DDB1: variants seen among roughly 807,000 people sequenced by gnomAD.
DDB1 encodes the protein damage specific DNA binding protein 1, also known as DNA damage-binding protein 1.
In DDB1, 18 loss-of-function variants were observed where a neutral mutation model predicts 133.1. That is an observed-to-expected ratio of 0.14 (90% CI 0.09 to 0.20). DDB1 has a LOEUF of 0.20. Ranked by LOEUF, DDB1 falls within the 10% of genes least tolerant of loss-of-function variation. The pLI is 1.00. For synonymous variants in DDB1, 580 were observed against 550.5 expected (o/e 1.05, Z -0.75); for missense variants, 828 against 1,459.2 (o/e 0.57, Z 7.05).
chr11:61,322,141 C>T (rs553550976), intron 9 of DDB1, 155 bp downstream of exon 9: 2 of 682,106 alleles, frequency 2.9e-6, no homozygotes, highest in African/African-American at 1.8e-5. Flanking sequence ...AAGATAGGCA[C>T]TCAATAAACA....
chr11:61,331,860 GTCTCAGT>G (rs760829197), intron 1 of DDB1, 169 bp from the exon 2 acceptor site: 36 of 844,724 alleles, frequency 4.3e-5, no homozygotes, highest in Non-Finnish European at 6.1e-5. Flanking sequence ...ACCTCAAAGA[GTCTCAGT>G]TCATGCATTC....
At chr11:61,320,941 TG>T (rs1856167963) in intron 10 of DDB1, among the ~76,000 whole-genome samples, 1 of 152,002 alleles carries the variant, frequency 6.6e-6, no homozygotes, top group South Asian at 2.1e-4. Context: ...TAGAGTGCAG[TG>T]GCACAATCAT....
At chr11:61,302,517 C>G in intron 24 of DDB1, 65 bp downstream of exon 24, 1 of 1,603,738 alleles carries the variant, frequency 6.2e-7, no homozygotes, top group Non-Finnish European at 8.5e-7. Context: ...TCTCCCCAGT[C>G]CCTCAGAATG....
At chr11:61,317,323 C>T (rs1281720633) in intron 10 of DDB1, among the ~76,000 whole-genome samples, 3 of 151,724 alleles carry the variant, frequency 2.0e-5, no homozygotes, top group African/African-American at 4.8e-5. Flanking sequence ...CCATGTTAGC[C>T]AGGATGGTCT....
rs1232469010 is a variant in DDB1 at position 61,331,675 on chromosome 11, G to A, written c.78C>T (p.Ala26=). Residue 26 remains alanine, a synonymous_variant, in exon 2 of 27, where the codon GCC becomes GCT. Transcript: ENST00000301764. ...TGGCAATCAACAGGTTTAAGTCTTC[G>A]GCCGAAGTAAAGTGTCCTGAAAGAA... The part of the protein sequence containing the change: ...NGCVTGHFTS[A]EDLNLLIAKN... 3.0e-5 allele frequency: 49 copies of A among 1,613,824 alleles called. No individual in the cohort carries two copies. The highest frequency in any genetic ancestry group is 3.6e-5 in the Non-Finnish European group (42 of 1,179,996).
At chr11:61,318,037 AG>A (rs1856120115) in intron 10 of DDB1, among the ~76,000 whole-genome samples, 1 of 152,184 alleles carries the variant, frequency 6.6e-6, no homozygotes, top group African/African-American at 2.4e-5. Context: ...TGCAACACTA[AG>A]CTTAATTTTT....
rs1382441895 is a variant in DDB1 at position 61,311,771 on chromosome 11, C to T, written c.2277+13G>A. 1 of 1,606,240 alleles carries T rather than the reference C, an allele frequency of 6.2e-7. No homozygotes were observed. Among genetic ancestry groups the T allele is most frequent in the South Asian group, 1.1e-5 (1 of 90,382 alleles). ...CTGCTCTAAGGTCATCTTTCTTTGT[C>T]CACTGCCCTTACCTGGGTGCTAGCG... is the stretch of plus-strand genomic sequence containing the variant. On this transcript the variant is annotated intron_variant, in intron 18 of 26. Coordinates refer to ENST00000301764, the MANE Select transcript of DDB1 (RefSeq NM_001923.5).
chr11:61,317,483 C>G (rs967508704), intron 10 of DDB1, among the ~76,000 whole-genome samples: 1 of 152,012 alleles, frequency 6.6e-6, no homozygotes, highest in African/African-American at 2.4e-5. Flanking sequence ...TTCCATGACC[C>G]AAAGTCTAAA....
Position 61,300,856 on chromosome 11 carries a change from G to A in DDB1, c.3292C>T (p.Leu1098=). The change falls in exon 26 of 27, where the codon CTG becomes TTG. Residue 1098 remains leucine (L), a synonymous_variant. Transcript: ENST00000301764. ...TGCATCTTGGGGCGGCTAATATCCA[G>A]GAAACTCTCAATCAAGTCACCGTCG... ...FIDGDLIESF[L]DISRPKMQEV... The A allele has an allele frequency of 1.2e-6, 2 of 1,614,152 alleles. No individual in the cohort carries two copies. Among genetic ancestry groups the A allele is most frequent in the Non-Finnish European group, 1.7e-6 (2 of 1,180,038 alleles).
At chr11:61,321,797 C>G in intron 9 of DDB1, 100 bp from the exon 10 acceptor site, 2 of 1,048,416 alleles carry the variant, frequency 1.9e-6, no homozygotes, top group South Asian at 2.6e-5. Context: ...ATCCAAGAAC[C>G]TTTATTGTGG....
At chr11:61,312,612 T>C (rs1285194044) in intron 16 of DDB1, among the ~76,000 whole-genome samples, 1 of 151,660 alleles carries the variant, frequency 6.6e-6, no homozygotes, top group Non-Finnish European at 1.5e-5. Flanking sequence ...CAGTTTCTTT[T>C]TTTTTAAGAC....
rs745621408 is a variant in DDB1 at position 61,300,245 on chromosome 11, G to C, written c.3340-26C>G. ...CTGCAATGAGAAGATGGGCGGGGCT[G>C]TGAGGACCAAGAGGGTGCTCTCCCA... On this transcript the variant is annotated intron_variant, in intron 26 of 26. Coordinates refer to ENST00000301764, the MANE Select transcript of DDB1 (RefSeq NM_001923.5). The C allele has an allele frequency of 1.9e-6, 3 of 1,610,856 alleles. No homozygotes were observed. The Admixed American group carries it at 5.0e-5, about 27-fold the overall frequency.
chr11:61,307,902 G>GT (rs1855902748), intron 21 of DDB1, among the ~76,000 whole-genome samples: 1 of 152,016 alleles, frequency 6.6e-6, no homozygotes, highest in South Asian at 2.1e-4. Context: ...TAAGCAGAAT[G>GT]TGACTACTCT....
chr11:61,316,463 C>G (rs369274116), intron 11 of DDB1, 29 bp downstream of exon 11: 18 of 1,613,832 alleles, frequency 1.1e-5, no homozygotes, highest in Non-Finnish European at 1.5e-5. Context: ...CTCACCAGCA[C>G]CTACAGCTGG....
In DDB1 at chr11:61,310,289, G is replaced by A. The variant is rs1855943399; in HGVS notation, c.2401+6C>T. On this transcript the variant is annotated splice_donor_region_variant and intron_variant, in intron 19 of 26. Coordinates refer to ENST00000301764, the MANE Select transcript of DDB1 (RefSeq NM_001923.5). Reference sequence around the variant, plus strand: ...GATAAAAATTATCGAAAGAGCTCATGTGCACCTTCAAAGGTGTGTTGGTCA... The same window carrying A: ...GATAAAAATTATCGAAAGAGCTCATATGCACCTTCAAAGGTGTGTTGGTCA... The A allele has an allele frequency of 1.2e-6, 2 of 1,607,220 alleles. No individual in the cohort carries two copies. The highest frequency in any genetic ancestry group is 3.4e-5 in the Admixed American group (2 of 59,092).
chr11:61,323,416 TTTTC>T, intron 7 of DDB1: 1 of 297,838 alleles, frequency 3.4e-6, no homozygotes, highest in Admixed American at 4.5e-5. Context: ...AATCTTTTTT[TTTTC>T]TTTTTTTGAG....
At position 61,323,161 on chromosome 11, in the gene DDB1, C is replaced by T. The variant is rs1390630969; in HGVS notation, c.922-67G>A. On this transcript the variant is annotated intron_variant, in intron 7 of 26. Transcript: ENST00000301764. ...CTACGTGGGATCCAGATACTACCCACATCTCAGACATCTGCTGAGAAAACT... is the reference window on the plus strand; with the variant it reads ...CTACGTGGGATCCAGATACTACCCATATCTCAGACATCTGCTGAGAAAACT... 6.4e-6 allele frequency: 8 copies of T among 1,241,734 alleles called. No individual in the cohort carries two copies. In the African/African-American group the frequency reaches 1.2e-4, roughly 18 times the overall value. 76.9% of individuals were successfully genotyped at this position (1,241,734 alleles called of 1,614,324 possible).
intron 6 of DDB1, among the ~76,000 whole-genome samples, chr11:61,325,015 G>T (rs1412749567): frequency 6.6e-6 from 1 of 152,126 alleles, no homozygotes; most frequent in East Asian, 1.9e-4. Context: ...GGGCGTGATG[G>T]CACATGCCTG....
Position 61,316,552 on chromosome 11 carries a change from C to T in DDB1, c.1241G>A (p.Arg414Gln), listed in dbSNP as rs761150877. ...LPGIKGLWPL[R>Q]SDPNRETDDT... ...ATCAGTCTCACGATTAGGGTCAGAC[C>T]GCAGTGGCCATAATCCTGGAACAAG... Residue 414 changes from arginine (R) to glutamine (Q), a missense_variant, in exon 11 of 27, where the codon CGG becomes CAG. By Grantham distance (43) the Arg-to-Gln change is conservative. Coordinates refer to ENST00000301764, the MANE Select transcript of DDB1 (RefSeq NM_001923.5). The T allele has an allele frequency of 8.7e-6, 14 of 1,614,060 alleles. No homozygotes were observed. The highest frequency in any genetic ancestry group is 5.0e-5 in the Admixed American group (3 of 60,000).
Sources: allele counts gnomAD v4.1 joint callset (sites outside exome capture counted in the v4.1 genomes callset), GRCh38; gene constraint gnomAD v4.1.1; transcripts MANE v1.5; gene names NCBI Gene and HGNC (gene_info 2026-07-23, HGNC 2026-07-21).